Variants in TRPM3 observed in about 807,000 individuals in gnomAD.
TRPM3 encodes the protein long transient receptor potential channel 3.
TRPM3 carries 77 observed loss-of-function variants against 181.2 expected under a neutral mutation model. The observed-to-expected ratio is 0.42, with a 90% CI of 0.35 to 0.51. TRPM3 has a LOEUF of 0.51. Ranked by LOEUF, TRPM3 falls within the 20% of genes least tolerant of loss-of-function variation. TRPM3 has a pLI of 0.01. For missense variants in TRPM3, 1,759 were observed against 2,196.7 expected (o/e 0.80, Z 3.98); for synonymous variants, 745 against 796.4 (o/e 0.94, Z 1.09).
chr9:71,149,363 A>G (rs952511495), intron 1 of TRPM3, among the ~76,000 whole-genome samples: 8 of 152,056 alleles, frequency 5.3e-5, no homozygotes, highest in African/African-American at 1.9e-4. Context: ...TGATCATGCT[A>G]CTACACTCCA....
At position 70,867,836 on chromosome 9, in the gene TRPM3, G is replaced by A. The variant is rs538683924; in HGVS notation, c.178-3325C>T. Among the ~76,000 whole-genome samples the A allele has an allele frequency of 1.8e-4, 28 of 152,158 alleles. No individual in the cohort carries two copies. The South Asian group carries it at 5.8e-3, about 32-fold the overall frequency. On this transcript the variant is annotated intron_variant, in intron 1 of 25. Transcript: ENST00000677713. ...AGATTTTTAAATTTATTTTATTGGA[G>A]AGGGCATTTTGACGTTTAATACTGG...
At chr9:70,943,190 C>T (rs1032012163) in intron 1 of TRPM3, among the ~76,000 whole-genome samples, 20 of 152,120 alleles carry the variant, frequency 1.3e-4, no homozygotes, top group African/African-American at 4.8e-4. Flanking sequence ...CAGCAGGTGA[C>T]TGATGAATAT....
chr9:71,191,611 C>T (rs2135003990), intron 1 of TRPM3, among the ~76,000 whole-genome samples: 1 of 151,882 alleles, frequency 6.6e-6, no homozygotes, highest in South Asian at 2.1e-4. Context: ...AATTTAAGCA[C>T]TTCTGTACTA....
At position 70,637,767 on chromosome 9, in the gene TRPM3, G is replaced by A. The variant is rs186364331; in HGVS notation, c.1581+1293C>T. Among the ~76,000 whole-genome samples, 8 of 152,176 alleles carry A rather than the reference G, an allele frequency of 5.3e-5. No individual in the cohort carries two copies. In the East Asian group the frequency reaches 1.4e-3, roughly 26 times the overall value. On this transcript the variant is annotated intron_variant, in intron 11 of 25. Coordinates refer to ENST00000677713, the MANE Select transcript of TRPM3 (RefSeq NM_001366145.2). ...GGGACAGAGGCATTGTGAAAAATGA[G>A]GGGTAGAATAATCTTAGAGACAGAA...
At position 70,603,405 on chromosome 9, in the gene TRPM3, C is replaced by T. The variant is rs369082136; in HGVS notation, c.2733G>A (p.Pro911=). ...AGATTACGATCCATTCCTGGGTGGA[C>T]GGCCAGCGTTCCATCTTCACTAACA... ...YIVLVKMERW[P]STQEWIVISY... Residue 911 remains proline, a synonymous_variant, in exon 20 of 26, where the codon CCG becomes CCA. Transcript: ENST00000677713. 19 of 1,614,060 alleles carry T rather than the reference C, an allele frequency of 1.2e-5. No individual in the cohort carries two copies. Among genetic ancestry groups the T allele is most frequent in the East Asian group, 6.7e-5 (3 of 44,876 alleles).
At chr9:71,180,173 G>C (rs993955497) in intron 1 of TRPM3, among the ~76,000 whole-genome samples, 6 of 148,982 alleles carry the variant, frequency 4.0e-5, no homozygotes, top group African/African-American at 1.5e-4. Context: ...TCCTGTCTCA[G>C]CCTCCTGAGT....
intron 9 of TRPM3, among the ~76,000 whole-genome samples, chr9:70,655,284 CGA>C (rs2060159032): frequency 9.5e-6 from 1 of 105,382 alleles, no homozygotes; most frequent in Admixed American, 1.5e-4. Flanking sequence ...CCAGCCTGGG[CGA>C]AAGAGTGAGA....
intron 1 of TRPM3, among the ~76,000 whole-genome samples, chr9:71,321,771 C>G (rs180675119): frequency 2.8e-4 from 42 of 152,192 alleles, no homozygotes; most frequent in Non-Finnish European, 5.3e-4. Flanking sequence ...AGTCCTTATT[C>G]ATTCAGCAAA....
At chr9:70,998,134 TATATATAC>T (rs1564932628) in intron 1 of TRPM3, among the ~76,000 whole-genome samples, 3 of 140,020 alleles carry the variant, frequency 2.1e-5, no homozygotes, top group Admixed American at 7.3e-5. Context: ...TATATATACA[TATATATAC>T]ACATATATAT....
intron 1 of TRPM3, among the ~76,000 whole-genome samples, chr9:71,171,287 A>T (rs1434425734): frequency 1.3e-5 from 2 of 152,098 alleles, no homozygotes; most frequent in African/African-American, 2.4e-5. Context: ...TTGCCTTGTG[A>T]TATTCTATTA....
At chr9:70,602,831 T>G (rs540168777) in intron 20 of TRPM3, among the ~76,000 whole-genome samples, 1 of 152,206 alleles carries the variant, frequency 6.6e-6, no homozygotes, top group Non-Finnish European at 1.5e-5. Context: ...TCAGTTCACC[T>G]TGGTGGTCCC....
intron 1 of TRPM3, among the ~76,000 whole-genome samples, chr9:71,029,784 T>C (rs1450824607): frequency 6.6e-6 from 1 of 152,144 alleles, no homozygotes; most frequent in Admixed American, 6.5e-5. Flanking sequence ...TGTGCTCAAA[T>C]GCCAATATTA....
intron 22 of TRPM3, among the ~76,000 whole-genome samples, chr9:70,587,560 C>T (rs954434175): frequency 3.9e-5 from 6 of 152,158 alleles, no homozygotes; most frequent in African/African-American, 1.2e-4. Flanking sequence ...TTTGCTCCGG[C>T]CTTGGCATGA....
chr9:71,187,944 T>TAGAC (rs1383717101), intron 1 of TRPM3, among the ~76,000 whole-genome samples: 8 of 74,670 alleles, frequency 1.1e-4, no homozygotes, highest in African/African-American at 3.4e-4. Context: ...GATAGATAGA[T>TAGAC]AGATAGATCA....
intron 1 of TRPM3, among the ~76,000 whole-genome samples, chr9:71,376,123 T>C (rs772517292): frequency 6.6e-6 from 1 of 151,886 alleles, no homozygotes; most frequent in African/African-American, 2.4e-5. Context: ...AATTTCTAAT[T>C]TGGGTGGTGA....
chr9:70,812,374 A>G lies in TRPM3; in HGVS notation c.973+15473T>C, dbSNP rs1256858591. Among the ~76,000 whole-genome samples, 4 of 152,210 alleles carry G rather than the reference A, an allele frequency of 2.6e-5. No individual in the cohort carries two copies. In the East Asian group the frequency reaches 7.7e-4, roughly 29 times the overall value. On this transcript the variant is annotated intron_variant, in intron 6 of 25. Coordinates refer to ENST00000677713, the MANE Select transcript of TRPM3 (RefSeq NM_001366145.2). ...TATATGTCAGCACCCATACCCTGGCAAAGCTGCCTTCTCATAAGAATGTAC... is the reference window on the plus strand; with the variant it reads ...TATATGTCAGCACCCATACCCTGGCGAAGCTGCCTTCTCATAAGAATGTAC...
chr9:70,777,575 T>C (rs572113432), intron 7 of TRPM3, among the ~76,000 whole-genome samples: 16 of 152,180 alleles, frequency 1.1e-4, no homozygotes, highest in Non-Finnish European at 1.9e-4. Context: ...TATATCTATG[T>C]CTTTATATAT....
chr9:70,749,244 T>C (rs910655882), intron 8 of TRPM3, among the ~76,000 whole-genome samples: 1 of 152,168 alleles, frequency 6.6e-6, no homozygotes, highest in Non-Finnish European at 1.5e-5. Flanking sequence ...TAAACAGACT[T>C]AGTACTCTAG....
At chr9:70,644,684 C>G (rs539882133) in intron 9 of TRPM3, among the ~76,000 whole-genome samples, 1 of 152,276 alleles carries the variant, frequency 6.6e-6, no homozygotes, top group South Asian at 2.1e-4. Context: ...TCCTATTCAA[C>G]ATAGTACTGG....
Sources: gnomAD v4.1 joint callset for allele counts (sites outside exome capture counted in the v4.1 genomes callset) on GRCh38, gnomAD v4.1.1 for gene constraint, MANE v1.5 for transcripts, NCBI Gene and HGNC (gene_info 2026-07-23, HGNC 2026-07-21) for gene names.